The following RNF4 variants were observed in gnomAD, a reference collection of about 807,000 sequenced individuals.
The protein encoded by RNF4 is E3 ubiquitin-protein ligase RNF4.
A neutral mutation model predicts 24.3 loss-of-function variants in RNF4; 7 were observed. That is an observed-to-expected ratio of 0.29 (90% CI 0.16 to 0.54). The LOEUF is 0.54. RNF4 is among the 20% of genes least tolerant of loss of function. RNF4 has a pLI of 0.95. For missense variants in RNF4, 209 were observed against 248.5 expected (o/e 0.84, Z 1.07); for synonymous variants, 83 against 84.3 (o/e 0.98, Z 0.09).
Position 2,469,180 on chromosome 4 carries a change from C to T in RNF4, c.-236C>T, listed in dbSNP as rs934296332. 4 of 152,216 alleles carry T rather than the reference C, an allele frequency of 2.6e-5. No homozygotes were observed. Among genetic ancestry groups the T allele is most frequent in the Non-Finnish European group, 5.9e-5 (4 of 68,058 alleles). 9.4% of individuals were successfully genotyped at this position (152,216 alleles called of 1,614,324 possible). A position where few individuals can be genotyped will look rare whatever the true frequency, so the allele number is the denominator to read the frequency against. On this transcript the variant is annotated 5_prime_UTR_variant, in exon 1 of 8. Transcript: ENST00000314289. ...TCCTGGGCGGCTGAAGAAGGAGCTTCTTCTCCGGAGTGCGCCGGCGGTGGC... is the reference window on the plus strand; with the variant it reads ...TCCTGGGCGGCTGAAGAAGGAGCTTTTTCTCCGGAGTGCGCCGGCGGTGGC...
chr4:2,494,055 C>A (rs1225031370), intron 2 of RNF4, among the ~76,000 whole-genome samples: 2 of 151,864 alleles, frequency 1.3e-5, no homozygotes, highest in African/African-American at 4.8e-5. Context: ...CTTGGCCAGG[C>A]TGGTCTTGAA....
intron 1 of RNF4, among the ~76,000 whole-genome samples, chr4:2,476,906 C>T (rs761613941): frequency 5.9e-5 from 9 of 151,710 alleles, no homozygotes; most frequent in South Asian, 4.2e-4. Flanking sequence ...CTCAGCCTCC[C>T]GAGTAGCTGG....
intron 3 of RNF4, among the ~76,000 whole-genome samples, chr4:2,499,801 A>G (rs1352617956): frequency 5.3e-5 from 8 of 152,176 alleles, no homozygotes; most frequent in Non-Finnish European, 1.2e-4. Context: ...AGCTATCAGT[A>G]TATATCACTG....
intron 1 of RNF4, among the ~76,000 whole-genome samples, chr4:2,477,671 C>G (rs1191475059): frequency 6.6e-6 from 1 of 152,206 alleles, no homozygotes; most frequent in East Asian, 1.9e-4. Flanking sequence ...TAAGGCATGA[C>G]TTACTTGCTT....
chr4:2,476,022 C>G (rs1397822425), intron 1 of RNF4, among the ~76,000 whole-genome samples: 1 of 152,132 alleles, frequency 6.6e-6, no homozygotes, highest in Non-Finnish European at 1.5e-5. Context: ...TTTATTTTTG[C>G]TTTCACCGCA....
chr4:2,478,063 G>T (rs1252985705), intron 1 of RNF4, among the ~76,000 whole-genome samples: 1 of 152,178 alleles, frequency 6.6e-6, no homozygotes, highest in Non-Finnish European at 1.5e-5. Context: ...TTGGGAACTG[G>T]AGCAAGGGTC....
At position 2,514,983 on chromosome 4, in the gene RNF4, C is replaced by A. The variant is rs1450440972; in HGVS notation, c.*1164C>A. On this transcript the variant is annotated 3_prime_UTR_variant, in exon 8 of 8. Coordinates refer to ENST00000314289, the MANE Select transcript of RNF4 (RefSeq NM_002938.5). ...CCAGATGACAACCTCTCCTTCGCTC[C>A]ACAGGTACGCGGGAGCCTCAGGTTC... 4.6e-5 allele frequency: 7 copies of A among 152,404 alleles called. No individual in the cohort carries two copies. Among genetic ancestry groups the A allele is most frequent in the Non-Finnish European group, 1.0e-4 (7 of 68,090 alleles). 9.4% of individuals were successfully genotyped at this position (152,404 alleles called of 1,614,324 possible).
At chr4:2,479,776 G>C (rs562191509) in intron 1 of RNF4, 1 of 152,318 alleles carries the variant, frequency 6.6e-6, no homozygotes, top group South Asian at 2.1e-4. Flanking sequence ...CTGCTTTTAA[G>C]GCTTTCTTTG....
In RNF4 at chr4:2,512,253, GAAGAT is replaced by G. The variant is rs2108779984; in HGVS notation, c.215-178_215-174del. 2 of 740,646 alleles carry G rather than the reference GAAGAT, an allele frequency of 2.7e-6. No homozygotes were observed. The highest frequency in any genetic ancestry group is 5.4e-5 in the East Asian group (2 of 37,358). 45.9% of individuals were successfully genotyped at this position (740,646 alleles called of 1,614,324 possible). A position where few individuals can be genotyped will look rare whatever the true frequency, so the allele number is the denominator to read the frequency against. ...GCAGGGGTTGGGGGGTTTCTCCTGG[GAAGAT>G]AAGATAGTGGCCTCCAGAGCTGGGC... is the stretch of plus-strand genomic sequence containing the variant. On this transcript the variant is annotated intron_variant, in intron 5 of 7. Transcript: ENST00000314289. The surrounding 1 kb of genome is among the most constrained non-coding windows in gnomAD (Gnocchi z 4.1).
intron 2 of RNF4, among the ~76,000 whole-genome samples, chr4:2,496,190 A>G (rs966632528): frequency 2.0e-5 from 3 of 152,162 alleles, no homozygotes; most frequent in East Asian, 3.9e-4. Flanking sequence ...GGTGTGAATC[A>G]CAGTTGATAG....
intron 4 of RNF4, among the ~76,000 whole-genome samples, chr4:2,504,700 GC>G: frequency 7.1e-6 from 1 of 140,574 alleles, no homozygotes; most frequent in Non-Finnish European, 1.5e-5. Context: ...ACAGGCAGCC[GC>G]CACCATGCCC....
chr4:2,503,467 GTC>G (rs1448562091), intron 4 of RNF4, among the ~76,000 whole-genome samples: 12 of 152,258 alleles, frequency 7.9e-5, no homozygotes, highest in African/African-American at 2.9e-4. Context: ...CTAGGTTCTG[GTC>G]TCTCAGATCT....
intron 4 of RNF4, among the ~76,000 whole-genome samples, chr4:2,510,983 T>A (rs1486471588): frequency 1.3e-5 from 2 of 152,258 alleles, no homozygotes; most frequent in Admixed American, 1.3e-4. Flanking sequence ...ATGCATAGCC[T>A]GCTTTTCTCT....
chr4:2,486,187 G>A (rs1390308944), intron 1 of RNF4, among the ~76,000 whole-genome samples: 1 of 152,178 alleles, frequency 6.6e-6, no homozygotes, highest in Non-Finnish European at 1.5e-5. Flanking sequence ...GATGTGAGGA[G>A]CACATGTGGT....
chr4:2,480,605 C>T (rs887023171), intron 1 of RNF4: 2 of 151,910 alleles, frequency 1.3e-5, no homozygotes, highest in Non-Finnish European at 2.9e-5. Flanking sequence ...ATCTCATTTA[C>T]ATGTTTGTGC....
At chr4:2,483,165 C>CCCATT (rs1254012600) in intron 1 of RNF4, among the ~76,000 whole-genome samples, 1 of 152,188 alleles carries the variant, frequency 6.6e-6, no homozygotes, top group Admixed American at 6.5e-5. Context: ...TGTTTCCCAT[C>CCCATT]CCATTCCTAG....
chr4:2,477,243 G>A (rs1413917896), intron 1 of RNF4, among the ~76,000 whole-genome samples: 4 of 152,148 alleles, frequency 2.6e-5, no homozygotes, highest in Non-Finnish European at 4.4e-5. Flanking sequence ...GAATCTTGGG[G>A]GCAGGTCTTT....
intron 1 of RNF4, among the ~76,000 whole-genome samples, chr4:2,473,897 C>T (rs1035783708): frequency 3.3e-5 from 5 of 152,100 alleles, no homozygotes; most frequent in African/African-American, 9.7e-5. Flanking sequence ...CATGATAAAA[C>T]CTTGTCTCTA....
chr4:2,497,753 G>C (rs1304183598), intron 3 of RNF4, among the ~76,000 whole-genome samples: 1 of 152,072 alleles, frequency 6.6e-6, no homozygotes, highest in Non-Finnish European at 1.5e-5. Flanking sequence ...TCCTGCCTCA[G>C]CCTCCCAAGT....
Sources: allele counts gnomAD v4.1 joint callset (sites outside exome capture counted in the v4.1 genomes callset), GRCh38; gene constraint gnomAD v4.1.1; non-coding constraint Gnocchi (gnomAD v3.1); transcripts MANE v1.5; gene names NCBI Gene and HGNC (gene_info 2026-07-23, HGNC 2026-07-21).